Variants in CHAF1A observed in about 807,000 individuals in gnomAD.
The protein encoded by CHAF1A is chromatin assembly factor 1 subunit A, also known as CAF-1 subunit A.
In CHAF1A, 5 loss-of-function variants were observed where a neutral mutation model predicts 93.2. The ratio of observed to expected loss-of-function variants is 0.05; its 90% confidence interval spans 0.03 to 0.11. CHAF1A has a LOEUF of 0.11. Ranked by LOEUF, CHAF1A falls within the 10% of genes least tolerant of loss-of-function variation. The pLI is 1.00. For synonymous variants in CHAF1A, 504 were observed against 510.3 expected, an observed-to-expected ratio of 0.99 and a Z score of 0.17; for missense variants, 1,102 against 1,259.9, an observed-to-expected ratio of 0.87 and a Z score of 1.90.
At chr19:4,446,523 C>A (rs753848499), downstream of CHAF1A, 4 of 1,611,046 alleles carry the variant, frequency 2.5e-6, no homozygotes, top group Non-Finnish European at 3.4e-6. Context: ...CCCGCTTGAT[C>A]TCCTCTGCTG....
chr19:4,447,842 G>A (rs1462172713), downstream of CHAF1A: 36 of 579,662 alleles, frequency 6.2e-5, no homozygotes, highest in South Asian at 3.4e-4. Flanking sequence ...GGAGCCCCAC[G>A]GAACCCCTCA....
intron 10 of CHAF1A, chr19:4,430,125 C>T (rs1164755716): frequency 2.2e-5 from 8 of 357,378 alleles, no homozygotes; most frequent in Admixed American, 9.1e-5. Flanking sequence ...GGCTTTCTGC[C>T]GATGCTCACC....
intron 3 of CHAF1A, among the ~76,000 whole-genome samples, chr19:4,413,653 C>CT (rs1354099832): frequency 1.3e-5 from 2 of 152,180 alleles, no homozygotes; most frequent in South Asian, 2.1e-4. Context: ...TGTGGGCTGG[C>CT]TTGCCTTCTT....
intron 13 of CHAF1A, among the ~76,000 whole-genome samples, chr19:4,438,694 G>A (rs1158420024): frequency 6.6e-6 from 1 of 152,122 alleles, no homozygotes; most frequent in East Asian, 1.9e-4. Context: ...AACTAAAGAA[G>A]CATAGATGGC....
rs528771858 is a variant in CHAF1A, at chr19:4,422,957, C to T, written c.1247+162C>T. ...TGCCCGTGGGGCCCTGACGTGGGAG[C>T]GGTGGAAAGCAGCTCCCTGCTCTTT... On this transcript the variant is annotated intron_variant, in intron 5 of 14. Coordinates refer to ENST00000301280, the MANE Select transcript of CHAF1A (RefSeq NM_005483.3). This position sits in a 1 kb window ranked among gnomAD's most constrained non-coding sequence, Gnocchi z 4.6. 2.6e-5 allele frequency among the ~76,000 whole-genome samples: 4 copies of T among 152,264 alleles called. No individual in the cohort carries two copies. In the South Asian group the frequency reaches 6.2e-4, roughly 24 times the overall value.
chr19:4,423,514 G>A (rs1974027382), intron 6 of CHAF1A, 119 bp downstream of exon 6: 26 of 1,541,634 alleles, frequency 1.7e-5, no homozygotes, highest in East Asian at 2.3e-5. Flanking sequence ...ACCAAATGGC[G>A]CCCGCAGGGA....
downstream of CHAF1A, chr19:4,446,946 G>T (rs748387045): frequency 1.6e-5 from 25 of 1,610,322 alleles, no homozygotes; most frequent in Middle Eastern, 1.6e-4. Context: ...GGCGTCACTG[G>T]GGGCCCCTGG....
chr19:4,409,376 G>T lies in CHAF1A; in HGVS notation c.577G>T (p.Ala193Ser). The T allele has an allele frequency of 1.2e-6, 2 of 1,614,180 alleles. No individual in the cohort carries two copies. Among genetic ancestry groups the T allele is most frequent in the African/African-American group, 2.7e-5 (2 of 75,040 alleles). Reference sequence around the variant, plus strand: ...GGAGGAGGGTGTTGGCTGTGGAGGTGCAGGGAGGAGAGGCGACTCCCAGGA... The same window carrying T: ...GGAGGAGGGTGTTGGCTGTGGAGGTTCAGGGAGGAGAGGCGACTCCCAGGA... ...TEEEGVGCGG[A>S]GRRGDSQECS... Residue 193 changes from alanine (A) to serine (S), a missense_variant, in exon 3 of 15, where the codon GCA (alanine) becomes TCA (serine). By Grantham distance (99) the Ala-to-Ser change is moderately conservative (BLOSUM62 1). Around this residue, in one of 6 missense-constraint regions of CHAF1A, gnomAD observed 379 missense variants for 365.7 expected, o/e 1.04. Transcript: ENST00000301280.
intron 1 of CHAF1A, among the ~76,000 whole-genome samples, chr19:4,405,148 T>A (rs1466052463): frequency 1.3e-5 from 2 of 152,206 alleles, no homozygotes; most frequent in Admixed American, 1.3e-4. Context: ...CTTAGTTGGC[T>A]TTCTGATTTA....
At chr19:4,450,178 T>C in the CHAF1A span, 1 of 148,724 alleles carries the variant, frequency 6.7e-6, no homozygotes, top group Middle Eastern at 3.4e-3. Flanking sequence ...TGAGCTGAGA[T>C]TGCACCACTG....
At chr19:4,403,709 C>A (rs1238782842) in intron 1 of CHAF1A, among the ~76,000 whole-genome samples, 1 of 152,248 alleles carries the variant, frequency 6.6e-6, no homozygotes, top group Non-Finnish European at 1.5e-5. Context: ...TACCATTGCC[C>A]TGTGTCCCCT....
chr19:4,442,580 GT>G (rs531043436), intron 14 of CHAF1A, among the ~76,000 whole-genome samples: 258 of 152,358 alleles, frequency 1.7e-3, no homozygotes, highest in African/African-American at 6.0e-3. Flanking sequence ...GTCTCAGGTG[GT>G]TGTGACGTTA....
At chr19:4,444,097 C>T (rs1354665936), downstream of CHAF1A, among the ~76,000 whole-genome samples, 2 of 151,594 alleles carry the variant, frequency 1.3e-5, no homozygotes, top group African/African-American at 2.4e-5. Flanking sequence ...ATGAGCTTTA[C>T]AGGGGCTCCC....
In CHAF1A at chr19:4,429,098, C is replaced by G. The variant is rs1974135655; in HGVS notation, c.1604+208C>G. ...AGTCTTCCTCTCCCTGTCTTCCCAGCTCCTCGTGGAGGAATCTTATTTCCC... is the reference window on the plus strand; with the variant it reads ...AGTCTTCCTCTCCCTGTCTTCCCAGGTCCTCGTGGAGGAATCTTATTTCCC... On this transcript the variant is annotated intron_variant, in intron 8 of 14. Transcript: ENST00000301280. 5 of 597,352 alleles carry G rather than the reference C, an allele frequency of 8.4e-6. No individual in the cohort carries two copies. The South Asian group carries it at 1.0e-4, about 12-fold the overall frequency. 37.0% of individuals were successfully genotyped at this position (597,352 alleles called of 1,614,324 possible). A position where few individuals can be genotyped will look rare whatever the true frequency, so the allele number is the denominator to read the frequency against.
At chr19:4,447,987 C>T (rs983999050), downstream of CHAF1A, 6 of 504,820 alleles carry the variant, frequency 1.2e-5, no homozygotes, top group African/African-American at 1.9e-5. Flanking sequence ...TCGGCGTTGG[C>T]GGGCAGCGTG....
intron 3 of CHAF1A, among the ~76,000 whole-genome samples, chr19:4,413,746 C>T (rs765401487): frequency 3.4e-4 from 51 of 152,090 alleles, no homozygotes; most frequent in Admixed American, 1.6e-3. Context: ...AGCTTCATGG[C>T]GTGTTTTTGT....
chr19:4,432,935 T>C (rs1241157294), intron 12 of CHAF1A, 135 bp from the exon 13 acceptor site: 2 of 684,602 alleles, frequency 2.9e-6, no homozygotes, highest in African/African-American at 3.6e-5. Flanking sequence ...CCCGCCCTCA[T>C]GAGGCCACCT....
At chr19:4,430,902 C>T in intron 11 of CHAF1A, 1 of 482,584 alleles carries the variant, frequency 2.1e-6, no homozygotes, top group Non-Finnish European at 3.8e-6. Context: ...TGGCCATGGT[C>T]TGTGGGTTAG....
rs200639778 is a variant in CHAF1A, at chr19:4,409,663, C to T, written c.864C>T (p.Ser288=). The T allele has an allele frequency of 2.5e-6, 4 of 1,614,196 alleles. No individual in the cohort carries two copies. In the African/African-American group the frequency reaches 4.0e-5, roughly 16 times the overall value. The change falls in exon 3 of 15, where the codon AGC becomes AGT. Residue 288 remains serine (S), a synonymous_variant. Coordinates refer to ENST00000301280, the MANE Select transcript of CHAF1A (RefSeq NM_005483.3). ...CTGTACTCAGCCATTCGTCCCTGAG[C>T]TCTCCCTCTTCCACCAGCTCGCCCG... is the stretch of plus-strand genomic sequence containing the variant. ...EDSVLSHSSL[S]SPSSTSSPEG... is the part of the protein sequence containing the mutation.
Sources: gnomAD v4.1 joint callset for allele counts (sites outside exome capture counted in the v4.1 genomes callset) on GRCh38, gnomAD v4.1.1 for gene constraint, gnomAD v4.1.1 regional missense constraint, Gnocchi (gnomAD v3.1) non-coding constraint, MANE v1.5 for transcripts, NCBI Gene and HGNC (gene_info 2026-07-23, HGNC 2026-07-21) for gene names.